The following CNTN1 variants were observed in gnomAD, a reference collection of about 807,000 sequenced individuals.
The protein encoded by CNTN1 is contactin-1.
Under a neutral mutation model 126.4 loss-of-function variants are expected in CNTN1, and 38 were observed. The ratio of observed to expected loss-of-function variants is 0.30; its 90% CI spans 0.23 to 0.39. CNTN1 has a LOEUF of 0.39. Ranked by LOEUF, CNTN1 falls within the 10% of genes least tolerant of loss-of-function variation. CNTN1 has a pLI of 1.00. For synonymous variants in CNTN1, 413 were observed against 422.6 expected (o/e 0.98, Z 0.28); for missense variants, 1,009 against 1,248.4 (o/e 0.81, Z 2.89).
chr12:40,959,117 G>T lies in CNTN1; in HGVS notation c.1687G>T (p.Asp563Tyr). 6.2e-7 allele frequency: 1 copy of T among 1,612,396 alleles called. No individual in the cohort carries two copies. The highest frequency in any genetic ancestry group is 8.5e-7 in the Non-Finnish European group (1 of 1,178,960). The change falls in exon 15 of 24, where the codon GAT (aspartate) becomes TAT (tyrosine). Residue 563 changes from aspartate (D) to tyrosine (Y), a missense_variant. By Grantham distance (160) the Asp-to-Tyr change is radical. Coordinates refer to ENST00000551295, the MANE Select transcript of CNTN1 (RefSeq NM_001843.4). ...NIHYQRNFML[D>Y]SNGELLIRNA... is the part of the protein sequence containing the mutation. ...TAATTGCTGTTTTTGCTAACAGCTG[G>T]ATTCCAATGGGGAATTACTAATCCG...
chr12:40,731,590 G>T (rs908080994), intron 1 of CNTN1, among the ~76,000 whole-genome samples: 1 of 151,854 alleles, frequency 6.6e-6, no homozygotes, highest in African/African-American at 2.4e-5. Context: ...AGAATGAAAA[G>T]ATATACATAA....
At chr12:40,860,075 T>C (rs969186462) in intron 1 of CNTN1, among the ~76,000 whole-genome samples, 3 of 152,170 alleles carry the variant, frequency 2.0e-5, no homozygotes, top group Non-Finnish European at 4.4e-5. Context: ...TTTTACATTT[T>C]TTCTAATTCT....
intron 23 of CNTN1, among the ~76,000 whole-genome samples, chr12:41,040,264 G>A (rs920548177): frequency 1.3e-5 from 2 of 152,094 alleles, no homozygotes; most frequent in Non-Finnish European, 2.9e-5. Flanking sequence ...TGCTCAAAGC[G>A]ATCAAGATTC....
At chr12:41,032,579 G>T (rs745733892) in intron 23 of CNTN1, among the ~76,000 whole-genome samples, 3 of 151,966 alleles carry the variant, frequency 2.0e-5, no homozygotes, top group African/African-American at 7.3e-5. Context: ...TCTCCCTTCT[G>T]CCTGGAATTC....
chr12:40,807,496 A>G (rs1205988820), intron 1 of CNTN1, among the ~76,000 whole-genome samples: 1 of 152,078 alleles, frequency 6.6e-6, no homozygotes, highest in East Asian at 1.9e-4. Context: ...CTCTTCTTAC[A>G]TTTAAGATTT....
At chr12:40,807,808 C>T (rs550372074) in intron 1 of CNTN1, among the ~76,000 whole-genome samples, 1 of 152,266 alleles carries the variant, frequency 6.6e-6, no homozygotes, top group Non-Finnish European at 1.5e-5. Context: ...GAAAAAGGCA[C>T]ATTTGGGGTT....
At chr12:41,019,683 G>GT (rs35578782) in intron 19 of CNTN1, among the ~76,000 whole-genome samples, 5,160 of 152,210 alleles carry the variant, frequency 0.034, 118 homozygotes, top group Middle Eastern at 0.11. Flanking sequence ...TTGATGCCCA[G>GT]TTGGAAGATT....
chr12:40,904,230 G>A (rs191637809), intron 1 of CNTN1, among the ~76,000 whole-genome samples: 11 of 152,156 alleles, frequency 7.2e-5, no homozygotes, highest in African/African-American at 2.6e-4. Flanking sequence ...GTGTTAGCCA[G>A]GATGGTCTCA....
intron 23 of CNTN1, among the ~76,000 whole-genome samples, chr12:41,044,387 G>T (rs1295901800): frequency 1.3e-5 from 2 of 151,816 alleles, no homozygotes; most frequent in African/African-American, 4.8e-5. Context: ...AGTAAACACA[G>T]GTTTATCCTT....
intron 20 of CNTN1, among the ~76,000 whole-genome samples, chr12:41,024,322 CCTTTT>C (rs1318266663): frequency 6.6e-6 from 1 of 151,746 alleles, no homozygotes; most frequent in African/African-American, 2.4e-5. Flanking sequence ...TACAAATAAT[CCTTTT>C]CTTTTTATTC....
chr12:40,703,604 G>T (rs950214786), intron 1 of CNTN1, among the ~76,000 whole-genome samples: 4 of 152,128 alleles, frequency 2.6e-5, no homozygotes, highest in African/African-American at 9.7e-5. Flanking sequence ...ACTTAGGCAG[G>T]TGCCTGTTTC....
At chr12:41,055,926 CT>C (rs1949792340) in intron 23 of CNTN1, among the ~76,000 whole-genome samples, 2 of 152,238 alleles carry the variant, frequency 1.3e-5, no homozygotes, top group African/African-American at 4.8e-5. Flanking sequence ...CCTAGATCTT[CT>C]TTTGAGTTTG....
At chr12:40,961,468 C>T (rs1450257977) in intron 15 of CNTN1, among the ~76,000 whole-genome samples, 1 of 151,268 alleles carries the variant, frequency 6.6e-6, no homozygotes, top group Non-Finnish European at 1.5e-5. Flanking sequence ...TAAGACATGC[C>T]CTGCCTTAAG....
chr12:40,813,290 T>A (rs376695733), intron 1 of CNTN1, among the ~76,000 whole-genome samples: 1 of 151,448 alleles, frequency 6.6e-6, no homozygotes, highest in Non-Finnish European at 1.5e-5. Flanking sequence ...TAAGTATACA[T>A]GTGTCATGGT....
chr12:40,967,604 G>C (rs79728511), intron 15 of CNTN1, among the ~76,000 whole-genome samples: 14,750 of 152,140 alleles, frequency 0.097, 833 homozygotes, highest in Non-Finnish European at 0.12. Context: ...GACACTGCAT[G>C]CATTTCAGTG....
chr12:41,011,003 G>A (rs1948638827), intron 17 of CNTN1, among the ~76,000 whole-genome samples: 1 of 152,078 alleles, frequency 6.6e-6, no homozygotes, highest in Non-Finnish European at 1.5e-5. Context: ...TCTGCTGCCT[G>A]CAGAACTGCC....
chr12:40,714,267 G>A (rs1436306197), intron 1 of CNTN1, among the ~76,000 whole-genome samples: 1 of 152,054 alleles, frequency 6.6e-6, no homozygotes, highest in Non-Finnish European at 1.5e-5. Flanking sequence ...GGCACTTCAT[G>A]AAGAAAAGTG....
intron 1 of CNTN1, among the ~76,000 whole-genome samples, chr12:40,740,868 TG>T (rs963230850): frequency 2.0e-5 from 3 of 152,134 alleles, no homozygotes; most frequent in African/African-American, 7.2e-5. Flanking sequence ...GATGTGCTTT[TG>T]CTCTTCCTTT....
At chr12:40,816,044 C>T (rs1941244358) in intron 1 of CNTN1, among the ~76,000 whole-genome samples, 1 of 152,138 alleles carries the variant, frequency 6.6e-6, no homozygotes, top group Non-Finnish European at 1.5e-5. Context: ...CTGCTGGATT[C>T]AGCTAGCCAG....
Sources: allele counts gnomAD v4.1 joint callset (sites outside exome capture counted in the v4.1 genomes callset), GRCh38; gene constraint gnomAD v4.1.1; transcripts MANE v1.5; gene names NCBI Gene and HGNC (gene_info 2026-07-23, HGNC 2026-07-21).